Variants in PKNOX1 observed in about 807,000 individuals in gnomAD.
PKNOX1 encodes the protein homeobox protein PKNOX1.
In PKNOX1, 15 loss-of-function variants were observed where a neutral mutation model predicts 51.9. The observed-to-expected ratio is 0.29, with a 90% CI of 0.19 to 0.45. The LOEUF is 0.45. Ranked by LOEUF, PKNOX1 falls within the 20% of genes least tolerant of loss-of-function variation. PKNOX1 has a pLI of 1.00. For synonymous variants in PKNOX1, 219 were observed against 211.1 expected (o/e 1.04, Z -0.32); for missense variants, 462 against 547.5 (o/e 0.84, Z 1.56).
chr21:42,984,974 CTTTTTTTTTTT>C lies in PKNOX1; in HGVS notation c.-57+10327_-57+10337del, dbSNP rs71195904. On this transcript the variant is annotated intron_variant, in intron 1 of 10. Transcript: ENST00000291547. The stretch of plus-strand genomic sequence containing the variant: ...GGGTTAGGGTTCCTCATTTTCTTTT[CTTTTTTTTTTT>C]TTTTTTTTTTTTTTTTGAGATGGAG... Among the ~76,000 whole-genome samples, 386 of 58,046 alleles carry C rather than the reference CTTTTTTTTTTT, an allele frequency of 6.6e-3. 3 individuals carry two copies. Among genetic ancestry groups the C allele is most frequent in the African/African-American group, 0.026 (366 of 14,078 alleles). 38.1% of individuals were successfully genotyped at this position (58,046 alleles called of 152,430 possible). A position where few individuals can be genotyped will look rare whatever the true frequency, so the allele number is the denominator to read the frequency against.
chr21:43,016,718 A>G (rs913219282), intron 5 of PKNOX1, among the ~76,000 whole-genome samples, 190 bp from the exon 6 acceptor site: 2 of 152,178 alleles, frequency 1.3e-5, no homozygotes, highest in African/African-American at 4.8e-5. Context: ...TGTGTTTAAT[A>G]CACAGTTGAA....
chr21:42,980,863 T>G (rs1327733721), intron 1 of PKNOX1, among the ~76,000 whole-genome samples: 1 of 152,220 alleles, frequency 6.6e-6, no homozygotes, highest in Non-Finnish European at 1.5e-5. Context: ...GAGTGCTACA[T>G]TTCAGCTAGA....
chr21:42,991,824 G>T (rs2059089339), intron 1 of PKNOX1, among the ~76,000 whole-genome samples: 1 of 151,988 alleles, frequency 6.6e-6, no homozygotes, highest in African/African-American at 2.4e-5. Flanking sequence ...AGAAACCCTG[G>T]GCAGTTTTTA....
chr21:43,015,949 C>T (rs1979471746), intron 5 of PKNOX1, among the ~76,000 whole-genome samples: 1 of 151,848 alleles, frequency 6.6e-6, no homozygotes, highest in South Asian at 2.1e-4. Flanking sequence ...TATTTCCTTT[C>T]TTCTGCTTTC....
At chr21:43,008,756 G>C (rs904406903) in intron 3 of PKNOX1, among the ~76,000 whole-genome samples, 10 of 151,918 alleles carry the variant, frequency 6.6e-5, no homozygotes, top group Non-Finnish European at 1.5e-5. Flanking sequence ...TCCAGTCTGA[G>C]TGACAGAGAG....
At chr21:42,987,296 C>G (rs2401151) in intron 1 of PKNOX1, among the ~76,000 whole-genome samples, 1 of 146,878 alleles carries the variant, frequency 6.8e-6, no homozygotes, top group Non-Finnish European at 1.5e-5. Context: ...GCAGGAGAAT[C>G]GCTTGAACCT....
At position 43,022,631 on chromosome 21, in the gene PKNOX1, G is replaced by A. The variant is rs529014041; in HGVS notation, c.849+1200G>A. Among the ~76,000 whole-genome samples, 26 of 152,288 alleles carry A rather than the reference G, an allele frequency of 1.7e-4. No homozygotes were observed. The South Asian group carries it at 5.2e-3, about 30-fold the overall frequency. On this transcript the variant is annotated intron_variant, in intron 8 of 10. Coordinates refer to ENST00000291547, the MANE Select transcript of PKNOX1 (RefSeq NM_004571.5). ...AAGCCACACATGTCAGGAGAAAGGC[G>A]TGCTACCTGTGAGCAGCGGGGCTGC...
chr21:42,987,404 A>ATATATATATATATATATAT (rs1555858104), intron 1 of PKNOX1, among the ~76,000 whole-genome samples: 3 of 41,404 alleles, frequency 7.2e-5, no homozygotes, highest in Non-Finnish European at 9.6e-5. Flanking sequence ...AAAAAAAAAA[A>ATATATATATATATATATAT]ATATATATAT....
intron 7 of PKNOX1, chr21:43,020,642 T>G (rs904046173): frequency 6.5e-6 from 1 of 152,822 alleles, no homozygotes; most frequent in Non-Finnish European, 1.5e-5. Flanking sequence ...TTGTGCTGTT[T>G]CTGTTTCTTT....
intron 1 of PKNOX1, among the ~76,000 whole-genome samples, chr21:42,980,962 TTTAC>T (rs1165484012): frequency 6.6e-6 from 1 of 152,234 alleles, no homozygotes; most frequent in Non-Finnish European, 1.5e-5. Context: ...GTGTCCTTTC[TTTAC>T]TTCCTCAAAT....
At chr21:43,002,970 C>T (rs1439141493) in intron 1 of PKNOX1, among the ~76,000 whole-genome samples, 2 of 152,350 alleles carry the variant, frequency 1.3e-5, no homozygotes, top group Admixed American at 1.3e-4. Context: ...CCGCCTGCAC[C>T]TCCCAAAGTG....
intron 1 of PKNOX1, among the ~76,000 whole-genome samples, chr21:42,992,465 A>G (rs80216133): frequency 4.9e-4 from 74 of 152,230 alleles, no homozygotes; most frequent in African/African-American, 1.8e-3. Flanking sequence ...AGTGGCAAAA[A>G]ACCATTTTAT....
chr21:43,028,092 C>G (rs1980061557), intron 9 of PKNOX1, among the ~76,000 whole-genome samples: 3 of 152,226 alleles, frequency 2.0e-5, no homozygotes. Flanking sequence ...TCTAGGACCA[C>G]TGGAGGACTT....
At chr21:42,999,116 C>T (rs1467235838) in intron 1 of PKNOX1, among the ~76,000 whole-genome samples, 18 of 152,238 alleles carry the variant, frequency 1.2e-4, no homozygotes, top group Admixed American at 1.2e-3. Context: ...GGTTCCCAAA[C>T]CTCAATTCTT....
At position 43,021,455 on chromosome 21, in the gene PKNOX1, T is replaced by TGCCTTGCAGCCCTC. The variant is rs1979750373; in HGVS notation, c.849+25_849+38dup. The TGCCTTGCAGCCCTC allele has an allele frequency of 6.3e-7, 1 of 1,586,552 alleles. No homozygotes were observed. The highest frequency in any genetic ancestry group is 8.6e-7 in the Non-Finnish European group (1 of 1,164,220). ...GGGTAAGGACGGCTGGGCCAGCCCT[T>TGCCTTGCAGCCCTC]GCCTTGCAGCCCTCTGCGACGCTTG... On this transcript the variant is annotated intron_variant, in intron 8 of 10. Transcript: ENST00000291547. The surrounding 1 kb of genome is among the most constrained non-coding windows in gnomAD (Gnocchi z 4.6).
In PKNOX1 at chr21:43,030,649, A is replaced by G. The variant is rs1224646485; in HGVS notation, c.*548A>G. 6.5e-6 allele frequency: 1 copy of G among 152,694 alleles called. No homozygotes were observed. Among genetic ancestry groups the G allele is most frequent in the Non-Finnish European group, 1.5e-5 (1 of 68,058 alleles). The allele number at this position is 152,694 out of a possible 1,614,324, so 9.5% of individuals were successfully genotyped here. ...GTTCAGTGAGCCTGTTTCATTTGCT[A>G]TATAGAAAAAGAAACTCCTATTTTT... On this transcript the variant is annotated 3_prime_UTR_variant, in exon 11 of 11. Coordinates refer to ENST00000291547, the MANE Select transcript of PKNOX1 (RefSeq NM_004571.5).
intron 1 of PKNOX1, among the ~76,000 whole-genome samples, chr21:42,987,337 G>A (rs372408692): frequency 2.2e-5 from 3 of 134,028 alleles, no homozygotes; most frequent in South Asian, 4.7e-4. Context: ...AGCTGAGATC[G>A]TGCCATTACA....
intron 1 of PKNOX1, among the ~76,000 whole-genome samples, chr21:42,982,227 C>T (rs538020020): frequency 6.6e-6 from 1 of 152,308 alleles, no homozygotes; most frequent in African/African-American, 2.4e-5. Flanking sequence ...CTTCTGACAC[C>T]TGCACAAGGA....
At chr21:43,022,032 G>A (rs550884636) in intron 8 of PKNOX1, among the ~76,000 whole-genome samples, 2 of 152,354 alleles carry the variant, frequency 1.3e-5, no homozygotes, top group East Asian at 3.9e-4. Flanking sequence ...ACGCTGTGTG[G>A]CACCATTGCT....
Sources: allele counts gnomAD v4.1 joint callset (sites outside exome capture counted in the v4.1 genomes callset), GRCh38; gene constraint gnomAD v4.1.1; non-coding constraint Gnocchi (gnomAD v3.1); transcripts MANE v1.5; gene names NCBI Gene and HGNC (gene_info 2026-07-23, HGNC 2026-07-21).